The following NALF2 variants were observed in gnomAD, a reference collection of about 807,000 sequenced individuals.
The protein encoded by NALF2 is bB57D9.1 (TED protein).
A neutral mutation model predicts 24.8 loss-of-function variants in NALF2; 1 was observed. That is an observed-to-expected ratio of 0.04 (90% CI 0.01 to 0.19). The LOEUF (loss-of-function observed/expected upper bound fraction) is 0.19, where lower values mean the gene tolerates loss of function less well. NALF2 is among the 10% of genes least tolerant of loss of function. The pLI is 1.00. For missense variants in NALF2, 458 were observed against 409.6 expected, an observed-to-expected ratio of 1.12 and a Z score of -1.02; for synonymous variants, 254 against 189.8, an observed-to-expected ratio of 1.34 and a Z score of -2.78.
At chrX:69,511,148 A>C (rs1421025220) in intron 1 of NALF2, among the ~76,000 whole-genome samples, 3 of 99,164 alleles carry the variant, frequency 3.0e-5, no homozygotes, top group Admixed American at 1.1e-4. Context: ...AGTTATCTCC[A>C]CCCCCTTCCA....
At chrX:69,513,861 G>A (rs754408713) in intron 1 of NALF2, among the ~76,000 whole-genome samples, 7 of 110,875 alleles carry the variant, frequency 6.3e-5, no homozygotes, top group Admixed American at 9.6e-5. Context: ...TTTCTAAAAC[G>A]TTTTCATCCT....
chrX:69,505,712 G>C lies in NALF2; in HGVS notation c.430G>C (p.Asp144His). Residue 144 changes from aspartate (D) to histidine (H), a missense_variant, in exon 1 of 3, where the codon GAC becomes CAC. Transcript: ENST00000252338. ...CGGCGTCCCAGAGCCCACGGGGCTGGACGCAGCTTGCACCAAATTGCAATC... is the reference window on the plus strand; with the variant it reads ...CGGCGTCCCAGAGCCCACGGGGCTGCACGCAGCTTGCACCAAATTGCAATC... ...CGGVPEPTGL[D>H]AACTKLQSLQ... The C allele has an allele frequency of 8.3e-7, 1 of 1,210,873 alleles. No individual in the cohort carries two copies. The highest frequency in any genetic ancestry group is 1.1e-6 in the Non-Finnish European group (1 of 895,092).
In NALF2 at chrX:69,505,335, T is replaced by TCTG. The variant is rs751154658; in HGVS notation, c.72_74dup (p.Cys24dup). The TCTG allele has an allele frequency of 2.4e-4, 278 of 1,148,857 alleles. No homozygotes were observed. The highest frequency in any genetic ancestry group is 1.1e-3 in the South Asian group (55 of 50,880). 94.7% of individuals were successfully genotyped at this position (1,148,857 alleles called of 1,213,427 possible). ...GGGAAAGACGCCGCCGCGCTGACTA[T>TCTG]CTGCTGCTGCTGCTGCTGCTGGGCT... On this transcript the variant is annotated inframe_insertion, in exon 1 of 3. Coordinates refer to ENST00000252338, the MANE Select transcript of NALF2 (RefSeq NM_015686.3).
chrX:69,505,868 C>T lies in NALF2; in HGVS notation c.586C>T (p.Leu196Phe). Residue 196 changes from leucine to phenylalanine, a missense_variant, in exon 1 of 3, where the codon CTC (leucine) becomes TTC (phenylalanine). Physicochemically the swap from Leu to Phe is conservative, Grantham distance 22. Coordinates refer to ENST00000252338, the MANE Select transcript of NALF2 (RefSeq NM_015686.3). ...CAAAGGCCACTTTCGGAACTTCACT[C>T]TCTCCTTTTGCGACACCTACACGGT... ...LLKGHFRNFT[L>F]SFCDTYTVWD... The T allele has an allele frequency of 8.3e-7, 1 of 1,211,502 alleles. No homozygotes were observed. Among genetic ancestry groups the T allele is most frequent in the Non-Finnish European group, 1.1e-6 (1 of 895,412 alleles).
Position 69,505,572 on chromosome X carries a change from T to A in NALF2, c.290T>A (p.Leu97Gln). The A allele has an allele frequency of 9.9e-7, 1 of 1,009,383 alleles. No homozygotes were observed. The highest frequency in any genetic ancestry group is 1.2e-6 in the Non-Finnish European group (1 of 805,789). 83.2% of individuals were successfully genotyped at this position (1,009,383 alleles called of 1,213,427 possible). ...CAGCCGGTGCCTCCTCGCGCGGTGCTGCCGCTGCCGCCGCCGCCGCCCGGC... is the reference window on the plus strand; with the variant it reads ...CAGCCGGTGCCTCCTCGCGCGGTGCAGCCGCTGCCGCCGCCGCCGCCCGGC... ...ERQPVPPRAV[L>Q]PLPPPPPGEP... The change falls in exon 1 of 3, where the codon CTG (leucine) becomes CAG (glutamine). Residue 97 changes from leucine to glutamine, a missense_variant. Leu to Gln is a moderately radical substitution (Grantham distance 113). Transcript: ENST00000252338.
At chrX:69,514,552 C>T (rs1930636806) in intron 1 of NALF2, among the ~76,000 whole-genome samples, 1 of 110,810 alleles carries the variant, frequency 9.0e-6, no homozygotes, top group African/African-American at 3.3e-5. Flanking sequence ...CCTTTGAGTC[C>T]CTGCTTTCAT....
chrX:69,509,741 T>C (rs1172968103), intron 1 of NALF2, among the ~76,000 whole-genome samples: 8 of 111,951 alleles, frequency 7.1e-5, no homozygotes, highest in Non-Finnish European at 1.9e-5. Context: ...CGGGCAGATA[T>C]GCTGTCTGAC....
intron 1 of NALF2, 108 bp downstream of exon 1, chrX:69,506,251 C>T: frequency 1.1e-6 from 1 of 885,697 alleles, no homozygotes; most frequent in East Asian, 3.4e-5. Context: ...CCCACCACTC[C>T]CACCGTGCCC....
Position 69,505,247 on chromosome X carries a change from C to T in NALF2, c.-36C>T, listed in dbSNP as rs1930440684. 3 of 1,113,133 alleles carry T rather than the reference C, an allele frequency of 2.7e-6. No homozygotes were observed. The highest frequency in any genetic ancestry group is 3.5e-6 in the Non-Finnish European group (3 of 849,633). The allele number at this position is 1,113,133 out of a possible 1,213,427, so 91.7% of individuals were successfully genotyped here. A position where few individuals can be genotyped will look rare whatever the true frequency, so the allele number is the denominator to read the frequency against. On this transcript the variant is annotated 5_prime_UTR_variant, in exon 1 of 3. Transcript: ENST00000252338. ...CCCCAGACGGCCGTCTGGCCTCGCG[C>T]CTGCCTGTTCCCTCCAGCCCGGACC... is the stretch of plus-strand genomic sequence containing the variant.
At chrX:69,512,216 C>T (rs1226487605) in intron 1 of NALF2, among the ~76,000 whole-genome samples, 2 of 111,946 alleles carry the variant, frequency 1.8e-5, no homozygotes, top group East Asian at 2.8e-4. Flanking sequence ...GGTATGTTTG[C>T]GTTTTGTGTG....
chrX:69,508,270 T>A (rs1267624997), intron 1 of NALF2, among the ~76,000 whole-genome samples: 1 of 111,741 alleles, frequency 8.9e-6, no homozygotes, highest in African/African-American at 3.3e-5. Context: ...AGGAGGCTGG[T>A]GATACTAGCA....
chrX:69,510,634 G>A (rs1415185991), intron 1 of NALF2, among the ~76,000 whole-genome samples: 2 of 111,779 alleles, frequency 1.8e-5, no homozygotes, highest in Non-Finnish European at 3.8e-5. Flanking sequence ...TGGGGGTAGA[G>A]GAAGGGGCAG....
At chrX:69,512,377 C>T (rs767325772) in intron 1 of NALF2, among the ~76,000 whole-genome samples, 5 of 111,406 alleles carry the variant, frequency 4.5e-5, no homozygotes, top group Admixed American at 9.5e-5. Context: ...GGGCACCAGG[C>T]GAGCTGCAGC....
chrX:69,521,484 A>C (rs1930733934), intron 1 of NALF2, among the ~76,000 whole-genome samples: 1 of 111,527 alleles, frequency 9.0e-6, no homozygotes, highest in African/African-American at 3.3e-5. Flanking sequence ...GAGTATCTTA[A>C]GTTGAAAATG....
At position 69,532,124 on chromosome X, in the gene NALF2, C is replaced by T. The variant is rs1238090262; in HGVS notation, c.*2168C>T. The T allele has an allele frequency of 8.9e-6, 1 of 112,793 alleles. No homozygotes were observed. Among genetic ancestry groups the T allele is most frequent in the African/African-American group, 3.2e-5 (1 of 30,916 alleles). 9.3% of individuals were successfully genotyped at this position (112,793 alleles called of 1,213,427 possible). A position where few individuals can be genotyped will look rare whatever the true frequency, so the allele number is the denominator to read the frequency against. On this transcript the variant is annotated 3_prime_UTR_variant, in exon 3 of 3. Coordinates refer to ENST00000252338, the MANE Select transcript of NALF2 (RefSeq NM_015686.3). Reference sequence around the variant, plus strand: ...AGTGGCAGGGGAAAGGGGCACCTCACTCCACCTCAAAGTCATTTGACTGCC... The same window carrying T: ...AGTGGCAGGGGAAAGGGGCACCTCATTCCACCTCAAAGTCATTTGACTGCC...
chrX:69,519,363 T>C (rs771148600), intron 1 of NALF2, among the ~76,000 whole-genome samples: 4 of 111,826 alleles, frequency 3.6e-5, no homozygotes, highest in Non-Finnish European at 7.5e-5. Context: ...TGTGAGGCCC[T>C]GAGGACAGTG....
rs760206282 is a variant in NALF2, at chrX:69,505,775, C to G, written c.493C>G (p.Pro165Ala). 157 of 1,209,561 alleles carry G rather than the reference C, an allele frequency of 1.3e-4. No homozygotes were observed. Among genetic ancestry groups the G allele is most frequent in the Middle Eastern group, 9.1e-4 (4 of 4,374 alleles). Residue 165 changes from proline (P) to alanine (A), a missense_variant, in exon 1 of 3, where the codon CCT becomes GCT. Transcript: ENST00000252338. ...RLFEPTTPAP[P>A]LRPPDSLSRA... ...TTTCGAACCGACTACTCCGGCCCCC[C>G]CTCTGCGGCCCCCTGACTCCCTTTC... is the stretch of plus-strand genomic sequence containing the variant.
At position 69,528,996 on chromosome X, in the gene NALF2, G is replaced by A. The variant is rs1481935338; in HGVS notation, c.865G>A (p.Val289Ile). 2 of 1,206,942 alleles carry A rather than the reference G, an allele frequency of 1.7e-6. No individual in the cohort carries two copies. The highest frequency in any genetic ancestry group is 1.7e-5 in the African/African-American group (1 of 57,737). The change falls in exon 2 of 3, where the codon GTC (valine) becomes ATC (isoleucine). Residue 289 changes from valine (V) to isoleucine (I), a missense_variant. By Grantham distance (29) the Val-to-Ile change is conservative. Coordinates refer to ENST00000252338, the MANE Select transcript of NALF2 (RefSeq NM_015686.3). ...IRSCTKGCKAVYKAWLCSEYF... is the reference protein window; with the variant it reads ...IRSCTKGCKAIYKAWLCSEYF... ...ATGCTCTTTCCTCTCCCCACAGGCT[G>A]TCTACAAGGCCTGGCTGTGCTCAGA...
chrX:69,529,016 C>T lies in NALF2; in HGVS notation c.885C>T (p.Cys295=). The T allele has an allele frequency of 8.3e-7, 1 of 1,210,140 alleles. No individual in the cohort carries two copies. The highest frequency in any genetic ancestry group is 1.8e-5 in the South Asian group (1 of 56,507). ...GCKAVYKAWL[C]SEYFSVTQQE... ...AGGCTGTCTACAAGGCCTGGCTGTGCTCAGAATACTTCAGCGTGACCCAGC... is the reference window on the plus strand; with the variant it reads ...AGGCTGTCTACAAGGCCTGGCTGTGTTCAGAATACTTCAGCGTGACCCAGC... The change falls in exon 2 of 3, where the codon TGC becomes TGT. Residue 295 remains cysteine (C), a synonymous_variant. Coordinates refer to ENST00000252338, the MANE Select transcript of NALF2 (RefSeq NM_015686.3).
Sources: gnomAD v4.1 joint callset for allele counts (sites outside exome capture counted in the v4.1 genomes callset) on GRCh38, gnomAD v4.1.1 for gene constraint, MANE v1.5 for transcripts, NCBI Gene and HGNC (gene_info 2026-07-23, HGNC 2026-07-21) for gene names.